PPP2R2B: variants seen among roughly 807,000 people sequenced by gnomAD.
PPP2R2B encodes protein phosphatase 2 regulatory subunit Bbeta.
Under a neutral mutation model 46.0 loss-of-function variants are expected in PPP2R2B, and 5 were observed. The observed-to-expected ratio is 0.11, with a 90% CI of 0.06 to 0.23. The LOEUF is 0.23. Among genes scored for constraint, PPP2R2B ranks in the 10% least tolerant of loss-of-function variants. PPP2R2B has a pLI of 1.00. For synonymous variants in PPP2R2B, 215 were observed against 206.7 expected (o/e 1.04, Z -0.34); for missense variants, 367 against 575.0 (o/e 0.64, Z 3.70).
intron 1 of PPP2R2B, among the ~76,000 whole-genome samples, chr5:146,894,717 G>A (rs1025460344): frequency 3.9e-5 from 6 of 152,132 alleles, no homozygotes; most frequent in African/African-American, 1.4e-4. Context: ...TGGTATTACA[G>A]GCATGAGCCA....
At chr5:146,985,858 A>G (rs1753405417) in intron 1 of PPP2R2B, among the ~76,000 whole-genome samples, 2 of 152,366 alleles carry the variant, frequency 1.3e-5, no homozygotes, top group African/African-American at 4.8e-5. Flanking sequence ...TAATTAAAAA[A>G]TACACTAAAG....
intron 5 of PPP2R2B, among the ~76,000 whole-genome samples, chr5:146,674,097 T>C (rs1777555195): frequency 6.6e-6 from 1 of 152,214 alleles, no homozygotes; most frequent in Non-Finnish European, 1.5e-5. Flanking sequence ...TATCTCTCTG[T>C]TCTGAGCATT....
chr5:147,018,885 T>C (rs1021421525), intron 1 of PPP2R2B, among the ~76,000 whole-genome samples: 6 of 152,176 alleles, frequency 3.9e-5, no homozygotes, highest in African/African-American at 1.4e-4. Context: ...GAACAGAAGA[T>C]GATGGTGGTT....
At chr5:147,054,682 G>T (rs1299437310) in intron 1 of PPP2R2B, 6 of 456,166 alleles carry the variant, frequency 1.3e-5, no homozygotes, top group South Asian at 7.7e-5. Flanking sequence ...AACAAGAGTG[G>T]GTTTTCAGAA....
intron 1 of PPP2R2B, among the ~76,000 whole-genome samples, chr5:146,899,244 A>C (rs530445429): frequency 6.8e-6 from 1 of 146,996 alleles, no homozygotes; most frequent in South Asian, 2.3e-4. Context: ...AGAATGATAG[A>C]CTGGATTAAG....
chr5:146,646,493 C>T (rs1162249014), intron 6 of PPP2R2B, among the ~76,000 whole-genome samples: 1 of 152,262 alleles, frequency 6.6e-6, no homozygotes, highest in South Asian at 2.1e-4. Flanking sequence ...GAAACTGTTA[C>T]ACAAGACAAG....
chr5:146,835,946 A>G (rs1759254960), intron 2 of PPP2R2B, among the ~76,000 whole-genome samples: 1 of 152,176 alleles, frequency 6.6e-6, no homozygotes, highest in South Asian at 2.1e-4. Flanking sequence ...AAGCTATGGG[A>G]CCAATTATGA....
At chr5:147,006,071 T>C (rs1754423876) in intron 1 of PPP2R2B, among the ~76,000 whole-genome samples, 1 of 152,154 alleles carries the variant, frequency 6.6e-6, no homozygotes, top group Non-Finnish European at 1.5e-5. Flanking sequence ...TAAATCTTAA[T>C]TAATTACCAT....
intron 5 of PPP2R2B, among the ~76,000 whole-genome samples, chr5:146,682,496 GT>G (rs1398630843): frequency 6.6e-6 from 1 of 152,182 alleles, no homozygotes; most frequent in African/African-American, 2.4e-5. Context: ...CTTGAACCTG[GT>G]TTAAAAATAT....
At chr5:146,732,099 C>A (rs1423242880) in intron 2 of PPP2R2B, among the ~76,000 whole-genome samples, 4 of 152,120 alleles carry the variant, frequency 2.6e-5, no homozygotes, top group Non-Finnish European at 4.4e-5. Context: ...GTCCTTGATG[C>A]TGACTCATTC....
intron 1 of PPP2R2B, among the ~76,000 whole-genome samples, chr5:146,913,368 T>C (rs1360513124): frequency 1.3e-5 from 2 of 152,154 alleles, no homozygotes; most frequent in African/African-American, 2.4e-5. Context: ...TCTCTCCCAT[T>C]ACAGTGTCTG....
intron 7 of PPP2R2B, among the ~76,000 whole-genome samples, chr5:146,631,313 C>T (rs933843413): frequency 6.6e-6 from 1 of 152,224 alleles, no homozygotes; most frequent in Non-Finnish European, 1.5e-5. Context: ...AATAAGAGAA[C>T]TGCCCACATT....
At chr5:147,019,554 A>T (rs1326418795) in intron 1 of PPP2R2B, among the ~76,000 whole-genome samples, 2 of 152,148 alleles carry the variant, frequency 1.3e-5, no homozygotes, top group Non-Finnish European at 2.9e-5. Flanking sequence ...GTGAGATCTA[A>T]TGCTGGCCAA....
chr5:146,945,173 A>G (rs1336187220), intron 1 of PPP2R2B, among the ~76,000 whole-genome samples: 2 of 152,174 alleles, frequency 1.3e-5, no homozygotes, highest in Non-Finnish European at 2.9e-5. Context: ...TATACTATCT[A>G]GTTAATTCAG....
chr5:147,029,320 T>C (rs1755671977), intron 1 of PPP2R2B, among the ~76,000 whole-genome samples: 3 of 152,238 alleles, frequency 2.0e-5, no homozygotes, highest in Admixed American at 2.0e-4. Flanking sequence ...TTGCTTTATG[T>C]GCCTGTGGTA....
At chr5:146,856,480 TA>T (rs767048495) in intron 2 of PPP2R2B, 1 of 1,530,036 alleles carries the variant, frequency 6.5e-7, no homozygotes, top group South Asian at 1.1e-5. Context: ...AGAGTAGGTA[TA>T]AATAATAATA....
At chr5:146,996,916 C>G (rs917448574) in intron 1 of PPP2R2B, among the ~76,000 whole-genome samples, 2 of 152,100 alleles carry the variant, frequency 1.3e-5, no homozygotes, top group Non-Finnish European at 2.9e-5. Context: ...CCAGGCCTGC[C>G]CTACTTGGTC....
chr5:146,723,718 A>G (rs1230107863), intron 2 of PPP2R2B, among the ~76,000 whole-genome samples: 2 of 152,030 alleles, frequency 1.3e-5, no homozygotes, highest in Non-Finnish European at 2.9e-5. Context: ...TTTCTAAAAC[A>G]CACGCCCTGA....
At chr5:146,707,122 TC>T in intron 2 of PPP2R2B, 2 of 1,596,456 alleles carry the variant, frequency 1.3e-6, no homozygotes, top group Non-Finnish European at 1.7e-6. Flanking sequence ...GTTGCCAAGC[TC>T]CGCCTCCAGC....
Sources: gnomAD v4.1 joint callset for allele counts (sites outside exome capture counted in the v4.1 genomes callset) on GRCh38, gnomAD v4.1.1 for gene constraint, MANE v1.5 for transcripts, NCBI Gene and HGNC (gene_info 2026-07-23, HGNC 2026-07-21) for gene names.